Variants in ADAM33 observed in about 807,000 individuals in gnomAD.
ADAM33 encodes the protein disintegrin and metalloproteinase domain-containing protein 33.
A neutral mutation model predicts 106.2 loss-of-function variants in ADAM33; 103 were observed. That is an observed-to-expected ratio of 0.97 (90% CI 0.83 to 1.14). The LOEUF (loss-of-function observed/expected upper bound fraction) is 1.14, where lower values mean the gene tolerates loss of function less well. Among genes scored for constraint, ADAM33 ranks in the 50% most tolerant of loss-of-function variants. The probability of loss-of-function intolerance (pLI) is 0.00; values close to 1 mark genes in which losing one functional copy is unlikely to be tolerated. For missense variants in ADAM33, 1,120 were observed against 1,096.6 expected (o/e 1.02, Z -0.30); for synonymous variants, 483 against 453.0 (o/e 1.07, Z -0.84).
At chr20:3,669,023 G>A (rs1286710376) in intron 21 of ADAM33, 23 bp from the exon 22 acceptor site, 1 of 1,613,744 alleles carries the variant, frequency 6.2e-7, no homozygotes, top group Non-Finnish European at 8.5e-7. Context: ...AGGATATGTT[G>A]TCCCCTAAGG....
In ADAM33 at chr20:3,674,488, G is replaced by A. The variant is rs2087803159; in HGVS notation, c.600+16C>T. The A allele has an allele frequency of 1.2e-5, 20 of 1,611,274 alleles. No individual in the cohort carries two copies. Among genetic ancestry groups the A allele is most frequent in the Non-Finnish European group, 1.7e-5 (20 of 1,179,390 alleles). On this transcript the variant is annotated intron_variant, in intron 6 of 21. Transcript: ENST00000356518. ...AGATACAGCATTCCCACTCCCATCC[G>A]ATCGATGCCCCTGACCCTGCTCTGG...
At chr20:3,672,048 T>A in intron 14 of ADAM33, 63 bp from the exon 15 acceptor site, 1 of 1,561,194 alleles carries the variant, frequency 6.4e-7, no homozygotes, top group Non-Finnish European at 8.7e-7. Context: ...CGGGCCTCAG[T>A]TTCCCCTGCC....
rs891802803 is a variant in ADAM33 at position 3,669,514 on chromosome 20, C to T, written c.2332+32G>A. On this transcript the variant is annotated intron_variant, in intron 20 of 21. Transcript: ENST00000356518. ...GGCATGAGCCCTTCCCTTCTCCCTT[C>T]CCTCTCCACCTCCCCCTGGTGCCTC... 5.2e-6 allele frequency: 8 copies of T among 1,552,924 alleles called. No individual in the cohort carries two copies. In the African/African-American group the frequency reaches 8.1e-5, roughly 16 times the overall value.
In ADAM33 at chr20:3,669,369, G is replaced by A; in HGVS notation, c.2334C>T (p.Asp778=). 2 of 1,605,474 alleles carry A rather than the reference G, an allele frequency of 1.2e-6. No individual in the cohort carries two copies. The highest frequency in any genetic ancestry group is 1.7e-6 in the Non-Finnish European group (2 of 1,177,610). ...PTATGQPWPL[D]PENSHEPSSH... ...TGCTGGGCTCATGAGAGTTCTCAGGGTCTGGGAGAAATGGTGGAGGGTAAA... is the reference window on the plus strand; with the variant it reads ...TGCTGGGCTCATGAGAGTTCTCAGGATCTGGGAGAAATGGTGGAGGGTAAA... Residue 778 remains aspartate, a splice_region_variant and synonymous_variant, in exon 21 of 22, where the codon GAC becomes GAT. Coordinates refer to ENST00000356518, the MANE Select transcript of ADAM33 (RefSeq NM_025220.5).
At chr20:3,680,800 T>TCCACATGGCCTTGCGCGCACGTGCTGG in intron 1 of ADAM33, among the ~76,000 whole-genome samples, 1 of 152,064 alleles carries the variant, frequency 6.6e-6, no homozygotes, top group Admixed American at 6.5e-5. Flanking sequence ...GTGGGTGCTG[T>TCCACATGGCCTTGCGCGCACGTGCTGG]CCACATGGCC....
chr20:3,674,216 C>T lies in ADAM33; in HGVS notation c.666+3G>A, dbSNP rs1231396121. On this transcript the variant is annotated splice_donor_region_variant and intron_variant, in intron 7 of 21. Coordinates refer to ENST00000356518, the MANE Select transcript of ADAM33 (RefSeq NM_025220.5). ...CCCGCCAACCCCTGGGGTCTCTCCT[C>T]ACCAGGGTGTGGTCTGCCACAATGT... 6 of 1,614,120 alleles carry T rather than the reference C, an allele frequency of 3.7e-6. No individual in the cohort carries two copies. The highest frequency in any genetic ancestry group is 2.2e-5 in the South Asian group (2 of 91,088).
Position 3,671,020 on chromosome 20 carries a change from G to A in ADAM33, c.2226C>T (p.Asp742=). 6.4e-7 allele frequency: 1 copy of A among 1,551,432 alleles called. No individual in the cohort carries two copies. The highest frequency in any genetic ancestry group is 1.2e-5 in the South Asian group (1 of 84,302). Reference sequence around the variant, plus strand: ...TCGGAGCCTACCCACTGCACGCAGGGTCCCTTCTGCAGCCCCAGCTGCATC... The same window carrying A: ...TCGGAGCCTACCCACTGCACGCAGGATCCCTTCTGCAGCCCCAGCTGCATC... The part of the protein sequence containing the change: ...LQRCSWGCRR[D]PACSGPKDGP... Residue 742 remains aspartate, a synonymous_variant, in exon 19 of 22, where the codon GAC becomes GAT. Coordinates refer to ENST00000356518, the MANE Select transcript of ADAM33 (RefSeq NM_025220.5).
chr20:3,672,797 C>G lies in ADAM33; in HGVS notation c.1235G>C (p.Gly412Ala). 2 of 1,572,136 alleles carry G rather than the reference C, an allele frequency of 1.3e-6. No homozygotes were observed. The highest frequency in any genetic ancestry group is 1.7e-6 in the Non-Finnish European group (2 of 1,160,412). ...GCAGAGCGCCGGCGGCACCGGGAGT[C>G]CGGGGTCCGGGGCATTGGAGAGGCA... ...GACLSNAPDPGLPVPPALCGN... is the reference protein window; with the variant it reads ...GACLSNAPDPALPVPPALCGN... Residue 412 changes from glycine (G) to alanine (A), a missense_variant, in exon 12 of 22, where the codon GGA (glycine) becomes GCA (alanine). Gly to Ala is a moderately conservative substitution (Grantham distance 60, BLOSUM62 0). Coordinates refer to ENST00000356518, the MANE Select transcript of ADAM33 (RefSeq NM_025220.5).
Position 3,669,353 on chromosome 20 carries a change from C to T in ADAM33, c.2350G>A (p.Glu784Lys), listed in dbSNP as rs1422035080. The change falls in exon 21 of 22, where the codon GAG (glutamate) becomes AAG (lysine). Residue 784 changes from glutamate (E) to lysine (K), a missense_variant. Glu to Lys is a moderately conservative substitution (Grantham distance 56). Transcript: ENST00000356518. ...PWPLDPENSH[E>K]PSSHPEKPLP... ...GGCTTCTCAGGGTGGCTGCTGGGCT[C>T]ATGAGAGTTCTCAGGGTCTGGGAGA... 1.2e-6 allele frequency: 2 copies of T among 1,605,454 alleles called. No individual in the cohort carries two copies.
chr20:3,672,805 CG>C lies in ADAM33; in HGVS notation c.1226del (p.Pro409ArgfsTer60). 1.3e-6 allele frequency: 2 copies of C among 1,577,350 alleles called. No homozygotes were observed. Among genetic ancestry groups the C allele is most frequent in the Non-Finnish European group, 1.7e-6 (2 of 1,164,136 alleles). ...KGGGACLSNA[P>X]DPGLPVPPAL... Reference sequence around the variant, plus strand: ...CCGGCGGCACCGGGAGTCCGGGGTCCGGGGCATTGGAGAGGCAAGCGCCGCC... The same window carrying C: ...CCGGCGGCACCGGGAGTCCGGGGTCCGGGCATTGGAGAGGCAAGCGCCGCC... On this transcript the variant is annotated frameshift_variant, in exon 12 of 22. Coordinates refer to ENST00000356518, the MANE Select transcript of ADAM33 (RefSeq NM_025220.5). LOFTEE classifies it high-confidence loss of function.
chr20:3,671,373 G>A (rs778424970), intron 17 of ADAM33, 28 bp from the exon 18 acceptor site: 20 of 1,611,646 alleles, frequency 1.2e-5, no homozygotes, highest in African/African-American at 1.1e-4. Flanking sequence ...GGAGGGTCAC[G>A]TAGGATTAGG....
rs768266697 is a variant in ADAM33, at chr20:3,671,279, C to A, written c.2050G>T (p.Gly684Cys). The A allele has an allele frequency of 1.2e-6, 2 of 1,613,976 alleles. No homozygotes were observed. Among genetic ancestry groups the A allele is most frequent in the East Asian group, 4.5e-5 (2 of 44,888 alleles). ...CCACTGTCCATGCTGCCACCAAAGC[C>A]TGGCTTGTCACAGAAGGGTGGAGCC... is the stretch of plus-strand genomic sequence containing the variant. The part of the protein sequence containing the change: ...GWAPPFCDKP[G>C]FGGSMDSGPV... Residue 684 changes from glycine to cysteine, a missense_variant, in exon 18 of 22, where the codon GGC (glycine) becomes TGC (cysteine). Coordinates refer to ENST00000356518, the MANE Select transcript of ADAM33 (RefSeq NM_025220.5).
Position 3,675,168 on chromosome 20 carries a change from C to T in ADAM33, c.255-63G>A. On this transcript the variant is annotated intron_variant, in intron 3 of 21. Coordinates refer to ENST00000356518, the MANE Select transcript of ADAM33 (RefSeq NM_025220.5). The surrounding 1 kb of genome is among the most constrained non-coding windows in gnomAD (Gnocchi z 4.1). ...TCCTCCTGCCTCCTCCAGGATGTCT[C>T]CCAGCCTTCCTCCCTAAATGCTAAT... is the stretch of plus-strand genomic sequence containing the variant. 3 of 1,279,212 alleles carry T rather than the reference C, an allele frequency of 2.3e-6. No individual in the cohort carries two copies. The highest frequency in any genetic ancestry group is 3.4e-6 in the Non-Finnish European group (3 of 895,126). The allele number at this position is 1,279,212 out of a possible 1,614,324, so 79.2% of individuals were successfully genotyped here.
At chr20:3,678,995 C>T (rs1358067027) in intron 2 of ADAM33, among the ~76,000 whole-genome samples, 1 of 152,048 alleles carries the variant, frequency 6.6e-6, no homozygotes, top group Non-Finnish European at 1.5e-5. Context: ...GACCACTGCC[C>T]CCCCGATACC....
chr20:3,674,443 C>G, intron 6 of ADAM33, 61 bp downstream of exon 6: 2 of 1,604,698 alleles, frequency 1.2e-6, no homozygotes, highest in Non-Finnish European at 1.7e-6. Context: ...ATTCCCGTCT[C>G]TTCTGATTTG....
In ADAM33 at chr20:3,672,237, G is replaced by A. The variant is rs373056338; in HGVS notation, c.1494C>T (p.Asp498=). 6.2e-7 allele frequency: 1 copy of A among 1,613,456 alleles called. No homozygotes were observed. The highest frequency in any genetic ancestry group is 8.5e-7 in the Non-Finnish European group (1 of 1,180,030). ...CTGTSSHCPP[D]VYLLDGSPCA... The stretch of plus-strand genomic sequence containing the variant: ...AGGGTGAGCCGTCCAGTAGGTAAAC[G>A]TCTGGGGGACAGTGGGAGGAGGTGC... Residue 498 remains aspartate, a synonymous_variant, in exon 14 of 22, where the codon GAC becomes GAT. Coordinates refer to ENST00000356518, the MANE Select transcript of ADAM33 (RefSeq NM_025220.5).
At chr20:3,673,525 C>A (rs780801417) in intron 10 of ADAM33, 29 bp from the exon 11 acceptor site, 12 of 1,460,180 alleles carry the variant, frequency 8.2e-6, no homozygotes, top group Middle Eastern at 2.0e-4. Context: ...GCGGTCACTG[C>A]GGCCGTAGAG....
Position 3,671,250 on chromosome 20 carries a change from A to G in ADAM33, c.2079T>C (p.Pro693=), listed in dbSNP as rs746247195. The G allele has an allele frequency of 6.2e-7, 1 of 1,613,912 alleles. No individual in the cohort carries two copies. Among genetic ancestry groups the G allele is most frequent in the East Asian group, 2.2e-5 (1 of 44,888 alleles). ...PGFGGSMDSG[P]VQAENHDTFL... is the part of the protein sequence containing the mutation. ...CCACTGGCATACTTTCAGCCTGCACAGGGCCACTGTCCATGCTGCCACCAA... is the reference window on the plus strand; with the variant it reads ...CCACTGGCATACTTTCAGCCTGCACGGGGCCACTGTCCATGCTGCCACCAA... Residue 693 remains proline (P), a synonymous_variant, in exon 18 of 22, where the codon CCT becomes CCC. Transcript: ENST00000356518.
intron 2 of ADAM33, 144 bp from the exon 3 acceptor site, chr20:3,677,287 T>C: frequency 1.7e-6 from 1 of 602,496 alleles, no homozygotes; most frequent in South Asian, 2.2e-5. Context: ...CCACATACTA[T>C]GGAGGGCGTG....
Sources: allele counts gnomAD v4.1 joint callset (sites outside exome capture counted in the v4.1 genomes callset), GRCh38; gene constraint gnomAD v4.1.1; non-coding constraint Gnocchi (gnomAD v3.1); transcripts MANE v1.5; gene names NCBI Gene and HGNC (gene_info 2026-07-23, HGNC 2026-07-21).